The following ADAM32 variants were observed in gnomAD, a reference collection of about 807,000 sequenced individuals.
ADAM32 encodes disintegrin and metalloproteinase domain-containing protein 32.
In ADAM32, 89 loss-of-function variants were observed where a neutral mutation model predicts 114.9. That is an observed-to-expected ratio of 0.77 (90% CI 0.65 to 0.92). The LOEUF (loss-of-function observed/expected upper bound fraction) is 0.92. ADAM32 is among the 40% of genes least tolerant of loss of function. ADAM32 has a pLI of 0.00. For synonymous variants in ADAM32, 285 were observed against 307.5 expected, an observed-to-expected ratio of 0.93 and a Z score of 0.77; for missense variants, 870 against 932.8, an observed-to-expected ratio of 0.93 and a Z score of 0.88.
At chr8:39,262,585 A>G (rs1322382018) in intron 19 of ADAM32, among the ~76,000 whole-genome samples, 1 of 151,614 alleles carries the variant, frequency 6.6e-6, no homozygotes. Flanking sequence ...CTTATTTGAT[A>G]TGTTCAGATG....
chr8:39,138,608 A>T (rs1010451536), intron 3 of ADAM32, among the ~76,000 whole-genome samples: 2 of 152,054 alleles, frequency 1.3e-5, no homozygotes, highest in Non-Finnish European at 2.9e-5. Context: ...AGTCTTTACT[A>T]TTGTGAATAG....
intron 17 of ADAM32, among the ~76,000 whole-genome samples, chr8:39,249,683 T>C (rs1230747603): frequency 6.6e-6 from 1 of 152,182 alleles, no homozygotes; most frequent in Non-Finnish European, 1.5e-5. Context: ...AAATTTTTAG[T>C]TTACTTTCAC....
chr8:39,146,992 G>T lies in ADAM32; in HGVS notation c.201-138G>T, dbSNP rs531801905. The T allele has an allele frequency of 5.6e-5, 17 of 304,650 alleles. No individual in the cohort carries two copies. In the South Asian group the frequency reaches 2.0e-3, roughly 36 times the overall value. The allele number at this position is 304,650 out of a possible 1,614,324, so 18.9% of individuals were successfully genotyped here. On this transcript the variant is annotated intron_variant, in intron 3 of 24. Coordinates refer to ENST00000379907, the MANE Select transcript of ADAM32 (RefSeq NM_145004.7). ...AGCCATGACAATATGTGGGTGAATG[G>T]GTATGGCTGTGTTTCAATAAACCTT... is the stretch of plus-strand genomic sequence containing the variant.
intron 15 of ADAM32, among the ~76,000 whole-genome samples, chr8:39,233,050 G>A (rs7833198): frequency 0.038 from 5,816 of 152,228 alleles, 385 homozygotes; most frequent in African/African-American, 0.13. Context: ...TGCCCAGTAA[G>A]TAACAGATCT....
At chr8:39,259,132 A>G (rs1247409434) in intron 19 of ADAM32, among the ~76,000 whole-genome samples, 1 of 151,320 alleles carries the variant, frequency 6.6e-6, no homozygotes, top group African/African-American at 2.4e-5. Context: ...TTGCCATCCT[A>G]CTTTTTTCCT....
chr8:39,280,809 G>A (rs10089229), intron 22 of ADAM32, among the ~76,000 whole-genome samples: 11,016 of 151,648 alleles, frequency 0.073, 781 homozygotes, highest in African/African-American at 0.18. Context: ...TTGAGATGGA[G>A]TCTTGCTCTG....
intron 10 of ADAM32, among the ~76,000 whole-genome samples, chr8:39,170,961 G>A (rs1805148170): frequency 6.6e-6 from 1 of 152,010 alleles, no homozygotes; most frequent in South Asian, 2.1e-4. Context: ...TTTTGACAGA[G>A]TCTTGCTTTT....
chr8:39,162,383 G>GAT (rs1263340315), intron 7 of ADAM32, among the ~76,000 whole-genome samples: 1 of 151,944 alleles, frequency 6.6e-6, no homozygotes, highest in Non-Finnish European at 1.5e-5. Flanking sequence ...GTGTATATGT[G>GAT]CCACATATTC....
At chr8:39,152,054 T>A (rs1038852663) in intron 6 of ADAM32, among the ~76,000 whole-genome samples, 2 of 152,174 alleles carry the variant, frequency 1.3e-5, no homozygotes, top group African/African-American at 4.8e-5. Flanking sequence ...TACATTCTTA[T>A]TACTTTCCAA....
At chr8:39,110,649 A>T (rs4298464) in intron 1 of ADAM32, among the ~76,000 whole-genome samples, 6,367 of 152,318 alleles carry the variant, frequency 0.042, 462 homozygotes, top group African/African-American at 0.15. Flanking sequence ...TACCATTTGC[A>T]TTCACCCCAG....
intron 22 of ADAM32, among the ~76,000 whole-genome samples, chr8:39,278,268 T>C (rs1012261234): frequency 3.3e-5 from 5 of 152,080 alleles, no homozygotes; most frequent in African/African-American, 1.2e-4. Context: ...GGGGTCTTTA[T>C]AGGCACAGAA....
chr8:39,235,604 ATTC>A (rs1204281944), intron 16 of ADAM32, among the ~76,000 whole-genome samples: 1 of 152,200 alleles, frequency 6.6e-6, no homozygotes, highest in Non-Finnish European at 1.5e-5. Context: ...AACCCAGACA[ATTC>A]TTCTCAGAAA....
At chr8:39,281,436 C>A (rs1813412119) in intron 23 of ADAM32, among the ~76,000 whole-genome samples, 1 of 152,086 alleles carries the variant, frequency 6.6e-6, no homozygotes, top group Non-Finnish European at 1.5e-5. Context: ...TAATAAGAGA[C>A]AAATATTTAT....
chr8:39,240,371 A>G (rs976470177), intron 16 of ADAM32, among the ~76,000 whole-genome samples: 2 of 152,244 alleles, frequency 1.3e-5, no homozygotes, highest in Non-Finnish European at 2.9e-5. Flanking sequence ...ACTTCTTTGA[A>G]CTGAATGATA....
chr8:39,241,835 A>AAATG (rs1303969430), intron 16 of ADAM32, among the ~76,000 whole-genome samples: 2 of 152,198 alleles, frequency 1.3e-5, no homozygotes, highest in Non-Finnish European at 2.9e-5. Flanking sequence ...TTGGGTCCCC[A>AAATG]TTACTCATGT....
In ADAM32 at chr8:39,136,704, G is replaced by A. The variant is rs201047294; in HGVS notation, c.186G>A (p.Val62=). The change falls in exon 3 of 25, where the codon GTG becomes GTA. Residue 62 remains valine, a synonymous_variant. Transcript: ENST00000379907. ...IIPIDEKLYT[V]HLKQRYFLAD... is the part of the protein sequence containing the mutation. ...CAATAGATGAGAAACTGTACACTGT[G>A]CACCTTAAACAAAGGTAAATTTTTA... The A allele has an allele frequency of 5.9e-5, 91 of 1,531,782 alleles. No homozygotes were observed. In the Middle Eastern group the frequency reaches 8.5e-4, roughly 14 times the overall value. The allele number at this position is 1,531,782 out of a possible 1,614,324, so 94.9% of individuals were successfully genotyped here.
chr8:39,241,860 G>A (rs999702699), intron 16 of ADAM32, among the ~76,000 whole-genome samples: 1 of 152,194 alleles, frequency 6.6e-6, no homozygotes, highest in Non-Finnish European at 1.5e-5. Flanking sequence ...TTCTGTAGCT[G>A]GCTTGAATTT....
intron 2 of ADAM32, among the ~76,000 whole-genome samples, chr8:39,131,695 GA>G (rs1218636066): frequency 1.3e-5 from 2 of 152,122 alleles, no homozygotes; most frequent in African/African-American, 2.4e-5. Flanking sequence ...GGGATGCAGT[GA>G]TGATTTTACT....
intron 17 of ADAM32, among the ~76,000 whole-genome samples, chr8:39,250,910 A>G (rs2129450312): frequency 6.6e-6 from 1 of 152,052 alleles, no homozygotes. Context: ...TCCACATAAG[A>G]GTGAGAACAT....
Sources: allele counts gnomAD v4.1 joint callset (sites outside exome capture counted in the v4.1 genomes callset), GRCh38; gene constraint gnomAD v4.1.1; transcripts MANE v1.5; gene names NCBI Gene and HGNC (gene_info 2026-07-23, HGNC 2026-07-21).